CEP112: variants seen among roughly 807,000 people sequenced by gnomAD.
CEP112 encodes centrosomal protein of 112 kDa.
CEP112 carries 127 observed loss-of-function variants against 153.0 expected under a neutral mutation model. That is an observed-to-expected ratio of 0.83 (90% confidence interval 0.72 to 0.96). CEP112 has a LOEUF of 0.96. Among genes scored for constraint, CEP112 ranks in the 40% least tolerant of loss-of-function variants. The probability of loss-of-function intolerance (pLI) is 0.00; values close to 1 mark genes in which losing one functional copy is unlikely to be tolerated. For synonymous variants in CEP112, 358 were observed against 374.4 expected, an observed-to-expected ratio of 0.96 and a Z score of 0.51; for missense variants, 1,089 against 1,101.2, an observed-to-expected ratio of 0.99 and a Z score of 0.16.
intron 21 of CEP112, among the ~76,000 whole-genome samples, chr17:65,775,970 A>T (rs143505114): frequency 0.011 from 1,684 of 152,344 alleles, 27 homozygotes; most frequent in African/African-American, 0.038. Context: ...TTTGGTGAAC[A>T]CACTTTCGTA....
chr17:65,959,341 T>C (rs1346767538), intron 18 of CEP112, among the ~76,000 whole-genome samples: 2 of 152,218 alleles, frequency 1.3e-5, no homozygotes, highest in African/African-American at 2.4e-5. Flanking sequence ...CTACCCACTA[T>C]GTGTCTCTGA....
intron 23 of CEP112, among the ~76,000 whole-genome samples, chr17:65,719,138 G>A (rs1013830469): frequency 2.0e-5 from 3 of 152,244 alleles, no homozygotes; most frequent in South Asian, 2.1e-4. Flanking sequence ...TTACTTGACA[G>A]TGAACACTAG....
At chr17:66,093,768 T>C (rs1011288253) in intron 8 of CEP112, among the ~76,000 whole-genome samples, 6 of 152,130 alleles carry the variant, frequency 3.9e-5, no homozygotes, top group African/African-American at 1.4e-4. Context: ...GCAATCTATA[T>C]ATTTCATGCA....
intron 4 of CEP112, among the ~76,000 whole-genome samples, chr17:66,143,277 G>T (rs1171582344): frequency 2.0e-5 from 3 of 152,164 alleles, no homozygotes; most frequent in African/African-American, 4.8e-5. Flanking sequence ...CTAGCAAAAG[G>T]CTCTGAAGGA....
chr17:65,706,214 C>A (rs189584834), intron 23 of CEP112, among the ~76,000 whole-genome samples: 1 of 152,150 alleles, frequency 6.6e-6, no homozygotes, highest in African/African-American at 2.4e-5. Flanking sequence ...TCAGGAAGGA[C>A]GCAGTATTTG....
chr17:65,839,486 C>T (rs1394414069), intron 21 of CEP112, among the ~76,000 whole-genome samples: 1 of 150,100 alleles, frequency 6.7e-6, no homozygotes, highest in African/African-American at 2.5e-5. Flanking sequence ...AAAAAAACCT[C>T]TCAATAAACC....
At chr17:66,171,073 T>C (rs561529931) in intron 4 of CEP112, among the ~76,000 whole-genome samples, 3 of 152,218 alleles carry the variant, frequency 2.0e-5, no homozygotes, top group African/African-American at 7.2e-5. Context: ...TCTAACAAGT[T>C]TGGAACAAGA....
chr17:65,704,420 T>TACAC (rs3074178), intron 23 of CEP112, among the ~76,000 whole-genome samples: 3,594 of 147,754 alleles, frequency 0.024, 47 homozygotes, highest in East Asian at 0.063. Context: ...ACGTGTAAAA[T>TACAC]ACACACACAC....
intron 23 of CEP112, among the ~76,000 whole-genome samples, chr17:65,730,699 A>G (rs1289441932): frequency 3.2e-4 from 48 of 151,794 alleles, no homozygotes; most frequent in Non-Finnish European, 4.4e-5. Context: ...TTCCTTGGGA[A>G]ATTGATTCCT....
intron 5 of CEP112, among the ~76,000 whole-genome samples, chr17:66,132,032 G>T (rs2070193833): frequency 6.6e-6 from 1 of 151,234 alleles, no homozygotes; most frequent in Non-Finnish European, 1.5e-5. Flanking sequence ...AGCCAGGCAT[G>T]GTGGTGCATG....
chr17:66,041,412 G>A (rs1045339655), intron 12 of CEP112, among the ~76,000 whole-genome samples: 8 of 151,812 alleles, frequency 5.3e-5, no homozygotes, highest in Admixed American at 3.9e-4. Flanking sequence ...TTATAATAAC[G>A]AGAAAAAAAA....
At chr17:65,971,186 C>T (rs1175506755) in intron 17 of CEP112, among the ~76,000 whole-genome samples, 1 of 151,870 alleles carries the variant, frequency 6.6e-6, no homozygotes, top group Non-Finnish European at 1.5e-5. Flanking sequence ...ATGTACAGCA[C>T]ATGCATATCA....
chr17:66,044,199 AATGAT>A (rs934910707), intron 12 of CEP112, among the ~76,000 whole-genome samples: 1 of 152,014 alleles, frequency 6.6e-6, no homozygotes, highest in African/African-American at 2.4e-5. Context: ...TTCCATTGTG[AATGAT>A]ATTTCTCTCA....
At chr17:65,788,102 TATTAAG>T (rs1290180532) in intron 21 of CEP112, among the ~76,000 whole-genome samples, 1 of 152,200 alleles carries the variant, frequency 6.6e-6, no homozygotes, top group Non-Finnish European at 1.5e-5. Context: ...ATTCCTAGCT[TATTAAG>T]ATTATCACAG....
chr17:66,164,916 G>A (rs940763894), intron 4 of CEP112, among the ~76,000 whole-genome samples: 1 of 142,920 alleles, frequency 7.0e-6, no homozygotes, highest in Non-Finnish European at 1.5e-5. Context: ...GTGTGTGTGT[G>A]TGTGTATATT....
chr17:65,928,619 C>G (rs2061012564), intron 18 of CEP112, among the ~76,000 whole-genome samples: 1 of 152,056 alleles, frequency 6.6e-6, no homozygotes, highest in African/African-American at 2.4e-5. Flanking sequence ...TACATGTACT[C>G]TGGGAGGCTG....
chr17:65,909,944 G>C (rs561012161), intron 19 of CEP112, among the ~76,000 whole-genome samples: 1 of 152,208 alleles, frequency 6.6e-6, no homozygotes, highest in Non-Finnish European at 1.5e-5. Flanking sequence ...CCTTCTGCCT[G>C]GGTGGAAGAA....
chr17:66,115,780 G>C (rs2069262318), intron 6 of CEP112, among the ~76,000 whole-genome samples: 1 of 151,978 alleles, frequency 6.6e-6, no homozygotes, highest in Admixed American at 6.6e-5. Context: ...CATCTCCTTG[G>C]CTGCAGCACC....
chr17:65,696,706 G>A (rs1257026319), intron 23 of CEP112, among the ~76,000 whole-genome samples: 1 of 152,108 alleles, frequency 6.6e-6, no homozygotes, highest in Non-Finnish European at 1.5e-5. Context: ...GGCAAACTGC[G>A]GGCAACTGCT....
Sources: allele counts gnomAD v4.1 joint callset (sites outside exome capture counted in the v4.1 genomes callset), GRCh38; gene constraint gnomAD v4.1.1; transcripts MANE v1.5; gene names NCBI Gene and HGNC (gene_info 2026-07-23, HGNC 2026-07-21).